The following RNF150 variants were observed in gnomAD, a reference collection of about 807,000 sequenced individuals.
RNF150 encodes the protein ring finger protein 150.
RNF150 carries 24 observed loss-of-function variants against 39.3 expected under a neutral mutation model. That is an observed-to-expected ratio of 0.61 (90% CI 0.44 to 0.86). The LOEUF is 0.86. RNF150 is among the 40% of genes least tolerant of loss of function. The pLI is 0.00. For synonymous variants in RNF150, 255 were observed against 227.3 expected (o/e 1.12, Z -1.10); for missense variants, 502 against 587.8 (o/e 0.85, Z 1.51).
chr4:141,050,537 C>T (rs1385354278), intron 1 of RNF150, among the ~76,000 whole-genome samples: 1 of 152,186 alleles, frequency 6.6e-6, no homozygotes, highest in East Asian at 1.9e-4. Context: ...TGCCTAAATA[C>T]AGCTGTTGCA....
At chr4:141,184,918 G>T (rs1192052339) in intron 1 of RNF150, among the ~76,000 whole-genome samples, 1 of 150,460 alleles carries the variant, frequency 6.6e-6, no homozygotes, top group Non-Finnish European at 1.5e-5. Context: ...ATGCTGTTTG[G>T]TTACTGTAGC....
intron 1 of RNF150, among the ~76,000 whole-genome samples, chr4:140,983,463 CT>C (rs1733924485): frequency 6.6e-6 from 1 of 152,058 alleles, no homozygotes; most frequent in South Asian, 2.1e-4. Flanking sequence ...AACTGCATGT[CT>C]TTTTTGATAC....
intron 1 of RNF150, among the ~76,000 whole-genome samples, chr4:141,198,762 T>C (rs1728245153): frequency 6.6e-6 from 1 of 152,228 alleles, no homozygotes; most frequent in Non-Finnish European, 1.5e-5. Flanking sequence ...ATCTCAAGCA[T>C]ACTTGTCTCT....
chr4:141,009,929 G>T (rs73858472), intron 1 of RNF150, among the ~76,000 whole-genome samples: 11,523 of 152,218 alleles, frequency 0.076, 483 homozygotes, highest in Middle Eastern at 0.16. Flanking sequence ...ACTTCAGGGT[G>T]CAATAGATGT....
intron 1 of RNF150, among the ~76,000 whole-genome samples, chr4:141,078,558 C>T (rs1048163895): frequency 3.3e-5 from 5 of 151,110 alleles, no homozygotes; most frequent in Non-Finnish European, 5.9e-5. Context: ...TCAAGGTGGG[C>T]AGATCACGAA....
intron 6 of RNF150, among the ~76,000 whole-genome samples, chr4:140,898,279 A>AT (rs10693510): frequency 0.32 from 46,797 of 147,978 alleles, 7,618 homozygotes; most frequent in Non-Finnish European, 0.37. Context: ...TGATGCACAC[A>AT]TTTTTTTTTT....
At chr4:141,031,837 C>T (rs558691938) in intron 1 of RNF150, among the ~76,000 whole-genome samples, 2 of 151,968 alleles carry the variant, frequency 1.3e-5, no homozygotes, top group African/African-American at 4.8e-5. Flanking sequence ...GAAAATGGTA[C>T]AAAGTTCCTT....
intron 1 of RNF150, among the ~76,000 whole-genome samples, chr4:140,997,659 G>C (rs113324034): frequency 1.1e-5 from 1 of 92,948 alleles, no homozygotes; most frequent in African/African-American, 3.0e-5. Context: ...AGGTTGCAGT[G>C]AGCCAAGATT....
At chr4:140,902,373 A>G (rs755443100) in intron 6 of RNF150, among the ~76,000 whole-genome samples, 1 of 152,238 alleles carries the variant, frequency 6.6e-6, no homozygotes, top group African/African-American at 2.4e-5. Context: ...TGCTAGTGTA[A>G]TGCAAATACA....
chr4:141,132,662 G>A lies in RNF150; in HGVS notation c.147C>T (p.Ala49=), dbSNP rs373277496. The part of the protein sequence containing the change: ...WYTAFVNITY[A]EPAPDPGAGA... ...CGGCCCCGGGGTCCGGCGCGGGCTC[G>A]GCGTAGGTGATGTTCACGAAGGCGG... The change falls in exon 1 of 7, where the codon GCC becomes GCT. Residue 49 remains alanine (A), a synonymous_variant. Coordinates refer to ENST00000515673, the MANE Select transcript of RNF150 (RefSeq NM_020724.2). This position sits in a 1 kb window ranked among gnomAD's most constrained non-coding sequence, Gnocchi z 4.9. The A allele has an allele frequency of 1.8e-5, 29 of 1,604,282 alleles. No homozygotes were observed. Among genetic ancestry groups the A allele is most frequent in the Non-Finnish European group, 2.1e-5 (25 of 1,176,502 alleles).
chr4:141,066,149 A>G (rs1336247940), intron 1 of RNF150, among the ~76,000 whole-genome samples: 1 of 151,848 alleles, frequency 6.6e-6, no homozygotes, highest in African/African-American at 2.4e-5. Context: ...CCACTGTTAA[A>G]TTCTTTTTCC....
intron 4 of RNF150, among the ~76,000 whole-genome samples, chr4:140,932,433 G>T (rs1179484278): frequency 6.6e-6 from 1 of 152,128 alleles, no homozygotes; most frequent in East Asian, 1.9e-4. Flanking sequence ...GGAAGAGAAG[G>T]CTGAAGCTCA....
intron 5 of RNF150, among the ~76,000 whole-genome samples, chr4:140,920,382 T>A (rs1485792793): frequency 1.4e-5 from 2 of 147,130 alleles, no homozygotes; most frequent in African/African-American, 2.5e-5. Context: ...GCAAAGGACA[T>A]GAACAGACAC....
At chr4:141,076,064 T>C (rs1737885164) in intron 1 of RNF150, among the ~76,000 whole-genome samples, 1 of 152,226 alleles carries the variant, frequency 6.6e-6, no homozygotes, top group South Asian at 2.1e-4. Flanking sequence ...GGACATAATA[T>C]ACATTAAAAC....
At chr4:141,117,280 C>T (rs988157006) in intron 1 of RNF150, among the ~76,000 whole-genome samples, 5 of 152,046 alleles carry the variant, frequency 3.3e-5, no homozygotes, top group Non-Finnish European at 7.4e-5. Context: ...AATTGCATTG[C>T]TACAAATATA....
At chr4:141,040,931 A>G (rs1736337055) in intron 1 of RNF150, among the ~76,000 whole-genome samples, 1 of 152,186 alleles carries the variant, frequency 6.6e-6, no homozygotes, top group Non-Finnish European at 1.5e-5. Context: ...TATTTTCTCA[A>G]TCAATGGCTC....
intron 1 of RNF150, among the ~76,000 whole-genome samples, chr4:141,087,593 C>G (rs1285340349): frequency 6.6e-6 from 1 of 152,094 alleles, no homozygotes; most frequent in East Asian, 1.9e-4. Flanking sequence ...GCTGGTTGTA[C>G]AGTAGCTAAT....
chr4:140,958,214 G>A (rs1012836668), intron 2 of RNF150, among the ~76,000 whole-genome samples: 3 of 152,046 alleles, frequency 2.0e-5, no homozygotes, highest in Non-Finnish European at 2.9e-5. Context: ...TTCATATAAG[G>A]GACTGTAGAT....
intron 1 of RNF150, among the ~76,000 whole-genome samples, chr4:140,999,432 G>A (rs1043055978): frequency 2.6e-5 from 4 of 152,146 alleles, no homozygotes; most frequent in Admixed American, 1.3e-4. Flanking sequence ...TCAGTCAAAG[G>A]TTTGAAGTCT....
Sources: gnomAD v4.1 joint callset for allele counts (sites outside exome capture counted in the v4.1 genomes callset) on GRCh38, gnomAD v4.1.1 for gene constraint, Gnocchi (gnomAD v3.1) non-coding constraint, MANE v1.5 for transcripts, NCBI Gene and HGNC (gene_info 2026-07-23, HGNC 2026-07-21) for gene names.